MIPOL1: variants seen among roughly 807,000 people sequenced by gnomAD.
The protein encoded by MIPOL1 is mirror-image polydactyly 1.
In MIPOL1, 57 loss-of-function variants were observed where a neutral mutation model predicts 60.9. The observed-to-expected ratio is 0.94, with a 90% CI of 0.76 to 1.17. The LOEUF is 1.17. Ranked by LOEUF, MIPOL1 falls within the 50% of genes most tolerant of loss-of-function variation. The pLI is 0.00. For missense variants in MIPOL1, 551 were observed against 511.6 expected (o/e 1.08, Z -0.74); for synonymous variants, 179 against 168.8 (o/e 1.06, Z -0.47).
At chr14:37,252,965 G>GA in intron 3 of MIPOL1, among the ~76,000 whole-genome samples, 1 of 151,734 alleles carries the variant, frequency 6.6e-6, no homozygotes, top group South Asian at 2.1e-4. Flanking sequence ...TAAGCTGGTA[G>GA]AAAAAAAGCT....
chr14:37,477,866 AGG>A (rs1230039351), intron 11 of MIPOL1, among the ~76,000 whole-genome samples: 2 of 152,274 alleles, frequency 1.3e-5, no homozygotes, highest in Non-Finnish European at 2.9e-5. Context: ...ACATGGGGCC[AGG>A]ATTTACATAC....
chr14:37,292,699 T>A (rs1483068515), intron 7 of MIPOL1, among the ~76,000 whole-genome samples: 1 of 152,012 alleles, frequency 6.6e-6, no homozygotes, highest in African/African-American at 2.4e-5. Context: ...CAGGCTGGTC[T>A]CAAACTCCTG....
At chr14:37,237,293 A>G (rs1971637311) in intron 1 of MIPOL1, among the ~76,000 whole-genome samples, 1 of 151,820 alleles carries the variant, frequency 6.6e-6, no homozygotes, top group Non-Finnish European at 1.5e-5. Context: ...TATCAGATCT[A>G]CTCTGCTCCC....
rs531879812 is a variant in MIPOL1 at position 37,332,109 on chromosome 14, A to C, written c.828+23590A>C. Among the ~76,000 whole-genome samples the C allele has an allele frequency of 1.7e-3, 255 of 152,008 alleles. 1 individual carries two copies. Among genetic ancestry groups the C allele is most frequent in the African/African-American group, 5.8e-3 (241 of 41,478 alleles). ...GCCGAGATCGTGCCATTGCACCCCA[A>C]CCTGGATGACAGAGCGAGACTCCTC... On this transcript the variant is annotated intron_variant, in intron 9 of 12. Coordinates refer to ENST00000684589, the MANE Select transcript of MIPOL1 (RefSeq NM_001388067.1).
At chr14:37,323,601 AT>A (rs1265748064) in intron 9 of MIPOL1, among the ~76,000 whole-genome samples, 1 of 151,976 alleles carries the variant, frequency 6.6e-6, no homozygotes, top group Non-Finnish European at 1.5e-5. Context: ...TTTGCTCACA[AT>A]TTTGATTTCA....
At chr14:37,424,171 A>G (rs886348264) in intron 11 of MIPOL1, among the ~76,000 whole-genome samples, 12 of 152,312 alleles carry the variant, frequency 7.9e-5, no homozygotes, top group African/African-American at 2.6e-4. Flanking sequence ...GTAGTTGGCT[A>G]TTGTTACAGG....
At chr14:37,483,700 A>C (rs2094907579) in intron 11 of MIPOL1, among the ~76,000 whole-genome samples, 1 of 151,830 alleles carries the variant, frequency 6.6e-6, no homozygotes, top group Non-Finnish European at 1.5e-5. Flanking sequence ...CAGTGGCATG[A>C]CTGTAGCTCA....
At chr14:37,302,262 G>GGT (rs2086346567) in intron 7 of MIPOL1, among the ~76,000 whole-genome samples, 1 of 95,032 alleles carries the variant, frequency 1.1e-5, no homozygotes, top group African/African-American at 3.8e-5. Context: ...TGGAACTGTT[G>GGT]TTTTTTTTTT....
At chr14:37,475,884 A>G (rs955641817) in intron 11 of MIPOL1, among the ~76,000 whole-genome samples, 6 of 152,178 alleles carry the variant, frequency 3.9e-5, no homozygotes, top group African/African-American at 1.4e-4. Context: ...TTCTCCTTAT[A>G]TACTGAGTTG....
chr14:37,238,180 A>G (rs1018847498), intron 1 of MIPOL1, among the ~76,000 whole-genome samples: 2 of 152,198 alleles, frequency 1.3e-5, no homozygotes, highest in Non-Finnish European at 2.9e-5. Flanking sequence ...AATGCTGTAT[A>G]TTCTCTTTTA....
At chr14:37,339,392 TG>T (rs1236626409) in intron 9 of MIPOL1, among the ~76,000 whole-genome samples, 1 of 152,226 alleles carries the variant, frequency 6.6e-6, no homozygotes, top group Non-Finnish European at 1.5e-5. Context: ...AAAACTGCTT[TG>T]TACTTTCTTA....
intron 6 of MIPOL1, among the ~76,000 whole-genome samples, chr14:37,271,295 C>T (rs17106539): frequency 0.3 from 46,123 of 151,732 alleles, 7,245 homozygotes; most frequent in East Asian, 0.46. Flanking sequence ...CATTCAGAGC[C>T]ATTTTAGATA....
At chr14:37,467,651 G>C (rs1000532135) in intron 11 of MIPOL1, among the ~76,000 whole-genome samples, 9 of 152,074 alleles carry the variant, frequency 5.9e-5, no homozygotes, top group African/African-American at 2.2e-4. Context: ...CAAGACTTAA[G>C]GAAATACAGA....
At chr14:37,483,171 G>A (rs1436612167) in intron 11 of MIPOL1, among the ~76,000 whole-genome samples, 2 of 148,690 alleles carry the variant, frequency 1.3e-5, no homozygotes, top group Non-Finnish European at 3.0e-5. Flanking sequence ...TCAGTGCAGT[G>A]GCATGATCCT....
intron 1 of MIPOL1, among the ~76,000 whole-genome samples, chr14:37,222,254 C>G (rs10130762): frequency 0.098 from 14,846 of 150,824 alleles, 2,393 homozygotes; most frequent in African/African-American, 0.34. Context: ...GGGTCTCGCT[C>G]TGTCTCCCAG....
At chr14:37,307,451 A>T (rs2086881824) in intron 7 of MIPOL1, among the ~76,000 whole-genome samples, 1 of 151,946 alleles carries the variant, frequency 6.6e-6, no homozygotes, top group African/African-American at 2.4e-5. Context: ...TTCTGAGGGG[A>T]GCCAGTTTTT....
intron 1 of MIPOL1, among the ~76,000 whole-genome samples, chr14:37,235,702 A>T (rs1482996723): frequency 6.6e-6 from 1 of 152,124 alleles, no homozygotes. Flanking sequence ...ACTTTTCATC[A>T]TCTCAAGCAG....
intron 9 of MIPOL1, among the ~76,000 whole-genome samples, chr14:37,336,313 T>C (rs2090112548): frequency 6.6e-6 from 1 of 150,950 alleles, no homozygotes; most frequent in Non-Finnish European, 1.5e-5. Context: ...TTAATTACTA[T>C]AGCTTCGTAA....
intron 9 of MIPOL1, among the ~76,000 whole-genome samples, chr14:37,333,316 A>G (rs10148340): frequency 6.6e-6 from 1 of 152,244 alleles, no homozygotes; most frequent in Non-Finnish European, 1.5e-5. Context: ...TTTGATATTT[A>G]TACATTACAC....
Sources: gnomAD v4.1 joint callset for allele counts (sites outside exome capture counted in the v4.1 genomes callset) on GRCh38, gnomAD v4.1.1 for gene constraint, MANE v1.5 for transcripts, NCBI Gene and HGNC (gene_info 2026-07-23, HGNC 2026-07-21) for gene names.